GSE1: variants seen among roughly 807,000 people sequenced by gnomAD.
GSE1 encodes the protein genetic suppressor element 1.
A neutral mutation model predicts 112.6 loss-of-function variants in GSE1; 32 were observed. That is an observed-to-expected ratio of 0.28 (90% confidence interval 0.21 to 0.38). The LOEUF (loss-of-function observed/expected upper bound fraction) is 0.38, where lower values mean the gene tolerates loss of function less well. GSE1 is among the 10% of genes least tolerant of loss of function. The pLI is 1.00. For synonymous variants in GSE1, 1,115 were observed against 735.6 expected, an observed-to-expected ratio of 1.52 and a Z score of -8.35; for missense variants, 2,348 against 1,699.2, an observed-to-expected ratio of 1.38 and a Z score of -6.71.
At chr16:85,375,815 T>G (rs2047407873) in intron 2 of GSE1, among the ~76,000 whole-genome samples, 1 of 152,190 alleles carries the variant, frequency 6.6e-6, no homozygotes. Flanking sequence ...CTCTCTCCCC[T>G]TCACCAAGTG....
chr16:85,238,759 T>G (rs1904928908), intron 1 of GSE1, among the ~76,000 whole-genome samples: 1 of 152,090 alleles, frequency 6.6e-6, no homozygotes, highest in African/African-American at 2.4e-5. Context: ...TCAGTCAGGA[T>G]AGGGGGGCTC....
intron 1 of GSE1, among the ~76,000 whole-genome samples, chr16:85,209,706 C>A (rs910165521): frequency 6.6e-6 from 1 of 152,232 alleles, no homozygotes; most frequent in South Asian, 2.1e-4. Flanking sequence ...GGTCACGACA[C>A]GTGATCCCGA....
chr16:85,269,419 C>T lies in GSE1; in HGVS notation c.2284-88044C>T, dbSNP rs1307490818. On this transcript the variant is annotated intron_variant, in intron 1 of 2. Coordinates refer to the GSE1 transcript ENST00000637419. ...TGCGTCAGCGCAGGGTGGGAATACG[C>T]CTGTTAGCATGAGTGTGTGGGTGTG... Among the ~76,000 whole-genome samples, 7 of 145,856 alleles carry T rather than the reference C, an allele frequency of 4.8e-5. 1 individual carries two copies.
intron 1 of GSE1, among the ~76,000 whole-genome samples, chr16:85,282,159 C>G: frequency 6.6e-6 from 1 of 152,070 alleles, no homozygotes. Flanking sequence ...TCTCGAGTAG[C>G]TGGGACTACA....
At chr16:85,225,008 G>A (rs974092243) in intron 1 of GSE1, among the ~76,000 whole-genome samples, 1 of 152,174 alleles carries the variant, frequency 6.6e-6, no homozygotes, top group Non-Finnish European at 1.5e-5. Context: ...GCATGTGCCT[G>A]TAGCCCCAGC....
intron 1 of GSE1, among the ~76,000 whole-genome samples, chr16:85,180,941 G>C (rs558646057): frequency 6.6e-6 from 1 of 152,366 alleles, no homozygotes; most frequent in East Asian, 1.9e-4. Flanking sequence ...ATGTGTGCCA[G>C]GGTGCTGCCT....
chr16:85,495,225 A>G (rs2051132623), intron 2 of GSE1, among the ~76,000 whole-genome samples: 1 of 152,170 alleles, frequency 6.6e-6, no homozygotes, highest in Non-Finnish European at 1.5e-5. Flanking sequence ...TACTGACCCC[A>G]AGTCAAGCTA....
chr16:85,590,961 G>A (rs1468301215), intron 1 of GSE1, among the ~76,000 whole-genome samples: 1 of 152,196 alleles, frequency 6.6e-6, no homozygotes, highest in Non-Finnish European at 1.5e-5. Context: ...TGCTCTCGGA[G>A]CTGGACCAGG....
chr16:85,221,296 C>A (rs1476447414), intron 1 of GSE1, among the ~76,000 whole-genome samples: 2 of 148,628 alleles, frequency 1.3e-5, no homozygotes, highest in Non-Finnish European at 3.0e-5. Context: ...TGGCCTGGTT[C>A]ACACTTCCCT....
intron 1 of GSE1, among the ~76,000 whole-genome samples, chr16:85,186,189 G>C (rs923761174): frequency 3.3e-5 from 5 of 152,206 alleles, no homozygotes; most frequent in Admixed American, 6.5e-5. Flanking sequence ...ATGTAAAACA[G>C]GTTGGGTACA....
At chr16:85,312,495 C>T (rs1203347359) in intron 1 of GSE1, among the ~76,000 whole-genome samples, 1 of 152,144 alleles carries the variant, frequency 6.6e-6, no homozygotes, top group African/African-American at 2.4e-5. Flanking sequence ...ACTCTTTGTC[C>T]CCAAATCTCT....
Position 85,673,694 on chromosome 16 carries a change from C to A in GSE1, c.*1155C>A, listed in dbSNP as rs891240988. 1 of 152,278 alleles carries A rather than the reference C, an allele frequency of 6.6e-6. No homozygotes were observed. Among genetic ancestry groups the A allele is most frequent in the Non-Finnish European group, 1.5e-5 (1 of 68,078 alleles). 9.4% of individuals were successfully genotyped at this position (152,278 alleles called of 1,614,324 possible). ...CCTCCTCCACTCCCCCTGCCTGCCC[C>A]CAGCATCTGGACAAGCTAATAGCAA... On this transcript the variant is annotated 3_prime_UTR_variant, in exon 16 of 16. Transcript: ENST00000253458.
chr16:85,194,781 T>C (rs1246623573), intron 1 of GSE1, among the ~76,000 whole-genome samples: 1 of 152,194 alleles, frequency 6.6e-6, no homozygotes, highest in Non-Finnish European at 1.5e-5. Context: ...AGACCTTCTC[T>C]CCAGGGTGCG....
chr16:85,661,396 C>T lies in GSE1; in HGVS notation c.1891C>T (p.Pro631Ser). The part of the protein sequence containing the change: ...PLVKVERVFC[P>S]EKAEEGPRKR... ...GGTGAAGGTGGAGCGGGTCTTCTGC[C>T]CGGAGAAAGCAGAGGAGGGGCCACG... The change falls in exon 9 of 16, where the codon CCG becomes TCG. Residue 631 changes from proline (P) to serine (S), a missense_variant. Physicochemically the swap from Pro to Ser is moderately conservative, Grantham distance 74. Coordinates refer to ENST00000253458, the MANE Select transcript of GSE1 (RefSeq NM_014615.5). The T allele has an allele frequency of 1.2e-6, 2 of 1,612,334 alleles. No homozygotes were observed. The highest frequency in any genetic ancestry group is 1.7e-6 in the Non-Finnish European group (2 of 1,179,732).
chr16:85,215,835 C>T (rs1411266415), intron 1 of GSE1, among the ~76,000 whole-genome samples: 3 of 152,188 alleles, frequency 2.0e-5, no homozygotes, highest in Non-Finnish European at 4.4e-5. Context: ...TCCCCTTCCC[C>T]CGTCCCCACC....
intron 3 of GSE1, among the ~76,000 whole-genome samples, chr16:85,651,371 G>A (rs2051339026): frequency 6.6e-6 from 1 of 151,992 alleles, no homozygotes; most frequent in African/African-American, 2.4e-5. Context: ...ATGTGGGTCT[G>A]GCTCGCCGGG....
chr16:85,528,856 A>G (rs1261103641), intron 2 of GSE1, among the ~76,000 whole-genome samples: 3 of 152,124 alleles, frequency 2.0e-5, no homozygotes, highest in Non-Finnish European at 2.9e-5. Context: ...AGGAGGTAAG[A>G]CAGGCAAAAA....
intron 1 of GSE1, among the ~76,000 whole-genome samples, chr16:85,558,202 C>T (rs534898557): frequency 6.6e-6 from 1 of 152,214 alleles, no homozygotes; most frequent in South Asian, 2.1e-4. Context: ...TCATCAGAGC[C>T]CTTTAGCCCA....
rs530141746 is a variant in GSE1 at position 85,345,256 on chromosome 16, T to C, written c.2284-12207T>C. On this transcript the variant is annotated intron_variant, in intron 1 of 2. Coordinates refer to the GSE1 transcript ENST00000637419. ...ACAGTATTTCACCACAGATAAAAAT[T>C]ATATGAAATTCAAATTTTAGTGTCC... 2.6e-5 allele frequency among the ~76,000 whole-genome samples: 4 copies of C among 152,298 alleles called. No homozygotes were observed. The East Asian group carries it at 7.7e-4, about 29-fold the overall frequency.
Sources: allele counts gnomAD v4.1 joint callset (sites outside exome capture counted in the v4.1 genomes callset), GRCh38; gene constraint gnomAD v4.1.1; transcripts MANE v1.5; gene names NCBI Gene and HGNC (gene_info 2026-07-23, HGNC 2026-07-21).